The following LRRC49 variants were observed in gnomAD, a reference collection of about 807,000 sequenced individuals.
LRRC49 encodes leucine rich repeat containing 49, also known as leucine-rich repeat-containing protein 49.
Under a neutral mutation model 83.3 loss-of-function variants are expected in LRRC49, and 50 were observed. That is an observed-to-expected ratio of 0.60 (90% confidence interval 0.48 to 0.76). The LOEUF (loss-of-function observed/expected upper bound fraction) is 0.76. Ranked by LOEUF, LRRC49 falls within the 30% of genes least tolerant of loss-of-function variation. LRRC49 has a pLI of 0.00. For synonymous variants in LRRC49, 286 were observed against 283.3 expected (o/e 1.01, Z -0.10); for missense variants, 704 against 809.1 (o/e 0.87, Z 1.58).
At position 70,859,091 on chromosome 15, in the gene LRRC49, C is replaced by T. The variant is rs1414089998; in HGVS notation, c.-299+5622C>T. ...GCTGGAGACCAAGTGGAGCCTCCTGCAGCAGCAGAAGATGGCTCGGAACAA... is the reference window on the plus strand; with the variant it reads ...GCTGGAGACCAAGTGGAGCCTCCTGTAGCAGCAGAAGATGGCTCGGAACAA... On this transcript the variant is annotated intron_variant, in intron 1 of 16. Transcript: ENST00000544974. 5.3e-6 allele frequency: 8 copies of T among 1,507,266 alleles called. No individual in the cohort carries two copies. The Admixed American group carries it at 8.4e-5, about 16-fold the overall frequency. The allele number at this position is 1,507,266 out of a possible 1,614,324, so 93.4% of individuals were successfully genotyped here.
At chr15:70,934,097 T>G (rs2141154452) in intron 7 of LRRC49, among the ~76,000 whole-genome samples, 1 of 152,316 alleles carries the variant, frequency 6.6e-6, no homozygotes, top group East Asian at 1.9e-4. Flanking sequence ...TGGATTTCTC[T>G]TTGCCTCTCC....
chr15:70,920,161 G>A (rs58623669), intron 7 of LRRC49, among the ~76,000 whole-genome samples: 6,385 of 152,216 alleles, frequency 0.042, 432 homozygotes, highest in African/African-American at 0.14. Context: ...ATAACTCTTA[G>A]CTGTTTCAAT....
intron 5 of LRRC49, among the ~76,000 whole-genome samples, chr15:70,910,368 C>T (rs2034501233): frequency 6.6e-6 from 1 of 151,864 alleles, no homozygotes; most frequent in Admixed American, 6.6e-5. Flanking sequence ...TATACATACA[C>T]ACTACATATA....
intron 8 of LRRC49, among the ~76,000 whole-genome samples, chr15:70,941,945 T>G (rs1406922557): frequency 6.6e-6 from 1 of 152,130 alleles, no homozygotes; most frequent in African/African-American, 2.4e-5. Context: ...AACCAACTTA[T>G]AAATATATAT....
At chr15:70,896,459 G>A (rs549374778) in intron 3 of LRRC49, among the ~76,000 whole-genome samples, 3 of 152,266 alleles carry the variant, frequency 2.0e-5, no homozygotes, top group East Asian at 3.9e-4. Context: ...TAGGTCTTGA[G>A]CGGGATTTGG....
At position 71,047,717 on chromosome 15, in the gene LRRC49, C is replaced by T. The variant is rs911652902; in HGVS notation, c.1858-1692C>T. On this transcript the variant is annotated intron_variant, in intron 15 of 15. Coordinates refer to ENST00000260382, the MANE Select transcript of LRRC49 (RefSeq NM_017691.5). ...CTGGCTAGGACTTCCTAGAAATCTTCGTAGGTATAATTTTAATGACACTAT... is the reference window on the plus strand; with the variant it reads ...CTGGCTAGGACTTCCTAGAAATCTTTGTAGGTATAATTTTAATGACACTAT... Among the ~76,000 whole-genome samples, 12 of 152,212 alleles carry T rather than the reference C, an allele frequency of 7.9e-5. No homozygotes were observed. The East Asian group carries it at 1.5e-3, about 20-fold the overall frequency.
chr15:70,878,885 A>G (rs2033206556), intron 2 of LRRC49, among the ~76,000 whole-genome samples: 1 of 152,226 alleles, frequency 6.6e-6, no homozygotes, highest in Non-Finnish European at 1.5e-5. Context: ...ACATAACTTT[A>G]CAAGGGATGT....
At chr15:70,947,725 T>C (rs2036059417) in intron 8 of LRRC49, among the ~76,000 whole-genome samples, 1 of 152,172 alleles carries the variant, frequency 6.6e-6, no homozygotes, top group African/African-American at 2.4e-5. Flanking sequence ...ACTGTCATTT[T>C]AAAAAGGTCT....
intron 3 of LRRC49, among the ~76,000 whole-genome samples, chr15:70,898,043 G>A (rs543346795): frequency 6.6e-6 from 1 of 152,252 alleles, no homozygotes; most frequent in East Asian, 1.9e-4. Flanking sequence ...TGGCCGAGTG[G>A]ACACACATAT....
In LRRC49 at chr15:71,049,418, G is replaced by A. The variant is rs569268270; in HGVS notation, c.1867G>A (p.Glu623Lys). The A allele has an allele frequency of 1.3e-6, 2 of 1,577,372 alleles. No individual in the cohort carries two copies. Among genetic ancestry groups the A allele is most frequent in the East Asian group, 4.5e-5 (2 of 44,658 alleles). ...FYNEKLEEIK[E>K]KKKFCKTYIE... is the part of the protein sequence containing the mutation. ...CTCTTTTTTTTAACAGGAAATAAAG[G>A]AAAAGAAGAAATTCTGTAAAACATA... Residue 623 changes from glutamate to lysine, a missense_variant, in exon 16 of 16, where the codon GAA becomes AAA. By Grantham distance (56) the Glu-to-Lys change is moderately conservative. This residue lies in a region of LRRC49 where 275 missense variants were observed against 338.0 expected (regional missense o/e 0.81). Coordinates refer to ENST00000260382, the MANE Select transcript of LRRC49 (RefSeq NM_017691.5).
intron 15 of LRRC49, among the ~76,000 whole-genome samples, chr15:71,046,111 G>A (rs963950487): frequency 6.6e-6 from 1 of 152,154 alleles, no homozygotes; most frequent in African/African-American, 2.4e-5. Flanking sequence ...ATGGGCACCT[G>A]GGTTGGTTCT....
In LRRC49 at chr15:70,882,641, G is replaced by T. The variant is rs542177705; in HGVS notation, c.18+9418G>T. On this transcript the variant is annotated intron_variant, in intron 2 of 16. Transcript: ENST00000544974. ...TCTTTTTCCAAACGCTTTCACTTTG[G>T]CTTGAATACCTGAAAGAGAATAAGC... The T allele has an allele frequency of 3.7e-6, 6 of 1,613,574 alleles. No homozygotes were observed. Among genetic ancestry groups the T allele is most frequent in the Non-Finnish European group, 4.2e-6 (5 of 1,179,800 alleles).
At chr15:70,899,436 T>G (rs1022209601) in intron 3 of LRRC49, among the ~76,000 whole-genome samples, 6 of 152,158 alleles carry the variant, frequency 3.9e-5, no homozygotes, top group African/African-American at 1.4e-4. Context: ...ATCAATTTAC[T>G]GACTTGTGGT....
intron 11 of LRRC49, among the ~76,000 whole-genome samples, chr15:70,989,934 G>T (rs1447016603): frequency 6.6e-6 from 1 of 152,148 alleles, no homozygotes; most frequent in Admixed American, 6.5e-5. Context: ...CAGCGGTGGC[G>T]GCAGAACAGC....
intron 14 of LRRC49, among the ~76,000 whole-genome samples, chr15:71,032,270 G>C (rs1321322393): frequency 6.6e-6 from 1 of 152,098 alleles, no homozygotes; most frequent in Non-Finnish European, 1.5e-5. Context: ...GTGAAGTGAT[G>C]CCCCACCCTG....
At chr15:70,929,765 G>A (rs1044303869) in intron 7 of LRRC49, among the ~76,000 whole-genome samples, 4 of 152,210 alleles carry the variant, frequency 2.6e-5, no homozygotes, top group Non-Finnish European at 5.9e-5. Flanking sequence ...AATGTTCATA[G>A]CATCTTTTCA....
chr15:71,047,949 T>C (rs1209168025), intron 15 of LRRC49, among the ~76,000 whole-genome samples: 3 of 151,966 alleles, frequency 2.0e-5, no homozygotes, highest in Admixed American at 2.0e-4. Flanking sequence ...CTAATTTTTA[T>C]ATTTTTAGTA....
chr15:71,009,265 A>G (rs2038568313), intron 12 of LRRC49, among the ~76,000 whole-genome samples: 1 of 151,896 alleles, frequency 6.6e-6, no homozygotes, highest in Non-Finnish European at 1.5e-5. Context: ...AGAAAAGAGC[A>G]TCTAGATTCA....
intron 2 of LRRC49, among the ~76,000 whole-genome samples, chr15:70,875,569 A>G (rs2033136660): frequency 6.6e-6 from 1 of 152,202 alleles, no homozygotes; most frequent in Non-Finnish European, 1.5e-5. Flanking sequence ...GTAGTGTGTT[A>G]CAAAGTCCAT....
Sources: allele counts gnomAD v4.1 joint callset (sites outside exome capture counted in the v4.1 genomes callset), GRCh38; gene constraint gnomAD v4.1.1; regional missense constraint gnomAD v4.1.1; transcripts MANE v1.5; gene names NCBI Gene and HGNC (gene_info 2026-07-23, HGNC 2026-07-21).